Variants in SEMA6A observed in about 807,000 individuals in gnomAD.
SEMA6A encodes the protein semaphorin 6A.
In SEMA6A, 25 loss-of-function variants were observed where a neutral mutation model predicts 96.8. The ratio of observed to expected loss-of-function variants is 0.26; its 90% CI spans 0.19 to 0.36. The LOEUF is 0.36. Ranked by LOEUF, SEMA6A falls within the 10% of genes least tolerant of loss-of-function variation. SEMA6A has a pLI of 1.00. For missense variants in SEMA6A, 1,363 were observed against 1,323.1 expected (o/e 1.03, Z -0.47); for synonymous variants, 612 against 518.0 (o/e 1.18, Z -2.46).
intron 4 of SEMA6A, among the ~76,000 whole-genome samples, chr5:116,496,600 C>T (rs1051900991): frequency 1.3e-5 from 2 of 152,154 alleles, no homozygotes; most frequent in Non-Finnish European, 2.9e-5. Flanking sequence ...GGAAATTTTT[C>T]ATAAACTATC....
At chr5:116,531,712 T>C (rs1759486437) in intron 1 of SEMA6A, among the ~76,000 whole-genome samples, 1 of 152,146 alleles carries the variant, frequency 6.6e-6, no homozygotes, top group African/African-American at 2.4e-5. Context: ...TGCTTCTAGT[T>C]TCAGTAAACC....
chr5:116,506,999 G>T (rs1758171490), intron 1 of SEMA6A, among the ~76,000 whole-genome samples: 1 of 152,054 alleles, frequency 6.6e-6, no homozygotes, highest in South Asian at 2.1e-4. Flanking sequence ...TCCATCTTAA[G>T]ATTGCATGTG....
chr5:116,560,648 T>A (rs775230759), intron 1 of SEMA6A, among the ~76,000 whole-genome samples: 9 of 152,118 alleles, frequency 5.9e-5, no homozygotes, highest in Non-Finnish European at 1.3e-4. Flanking sequence ...GTCCCTCCAG[T>A]TCTACCCTGC....
intron 1 of SEMA6A, among the ~76,000 whole-genome samples, chr5:116,528,200 G>C (rs577617133): frequency 3.3e-5 from 5 of 152,132 alleles, no homozygotes; most frequent in African/African-American, 1.2e-4. Flanking sequence ...TATTAATATA[G>C]TACCCGATTT....
At position 116,446,849 on chromosome 5, in the gene SEMA6A, A is replaced by C; in HGVS notation, c.2857T>G (p.Phe953Val). 4.3e-6 allele frequency: 7 copies of C among 1,613,956 alleles called. No homozygotes were observed. Among genetic ancestry groups the C allele is most frequent in the Non-Finnish European group, 5.9e-6 (7 of 1,179,872 alleles). Reference protein sequence around the residue: ...NSSHLSRNQSFGRGDNPPPAP... With the variant: ...NSSHLSRNQSVGRGDNPPPAP... ...GGCGGCGGGTTGTCTCCCCTGCCAA[A>C]GCTCTGGTTTCTGGAGAGGTGAGAG... Residue 953 changes from phenylalanine to valine, a missense_variant, in exon 19 of 19, where the codon TTT becomes GTT. Coordinates refer to ENST00000343348, the MANE Select transcript of SEMA6A (RefSeq NM_020796.5).
intron 18 of SEMA6A, among the ~76,000 whole-genome samples, chr5:116,451,025 A>G (rs1484881330): frequency 6.6e-6 from 1 of 152,200 alleles, no homozygotes; most frequent in African/African-American, 2.4e-5. Context: ...AGTAGTGGTG[A>G]TAAAAGCAGC....
chr5:116,486,727 A>C lies in SEMA6A; in HGVS notation c.962+22T>G, dbSNP rs758349597. 7 of 1,600,524 alleles carry C rather than the reference A, an allele frequency of 4.4e-6. 2 individuals carry two copies. The South Asian group carries it at 7.7e-5, about 18-fold the overall frequency. On this transcript the variant is annotated intron_variant, in intron 10 of 18. Transcript: ENST00000343348. ...GAAGCCAGGAAGAATTGATGAGGTC[A>C]ACACAGCTAGGGCATGATTACCTGT... is the stretch of plus-strand genomic sequence containing the variant.
intron 1 of SEMA6A, 48 bp from the exon 2 acceptor site, chr5:116,505,030 A>G (rs779389213): frequency 4.3e-5 from 36 of 831,652 alleles, no homozygotes; most frequent in Non-Finnish European, 6.6e-5. Context: ...GCTTTGTTCA[A>G]TGCCATAAAA....
chr5:116,539,057 T>G (rs909273113), intron 1 of SEMA6A, among the ~76,000 whole-genome samples: 2 of 152,202 alleles, frequency 1.3e-5, no homozygotes, highest in Non-Finnish European at 2.9e-5. Context: ...TTTTCTCCAT[T>G]ATATAGAAGA....
rs945209862 is a variant in SEMA6A, at chr5:116,496,582, AAG to A, written c.280-271_280-270del. Among the ~76,000 whole-genome samples, 8 of 152,226 alleles carry A rather than the reference AAG, an allele frequency of 5.3e-5. 1 individual carries two copies. The highest frequency in any genetic ancestry group is 1.4e-4 in the African/African-American group (6 of 41,470). On this transcript the variant is annotated intron_variant, in intron 4 of 18. Transcript: ENST00000343348. ...AAGGAGAAAAGAAAGAAGAATAAAC[AAG>A]AGTGTGGAAATTTTTCATAAACTAT...
intron 1 of SEMA6A, among the ~76,000 whole-genome samples, chr5:116,547,706 T>A: frequency 8.9e-6 from 1 of 112,872 alleles, no homozygotes; most frequent in African/African-American, 3.6e-5. Context: ...TAAAATCCAA[T>A]GATGTAAACT....
chr5:116,463,312 T>C (rs150323280), intron 18 of SEMA6A, among the ~76,000 whole-genome samples: 187 of 152,342 alleles, frequency 1.2e-3, no homozygotes, highest in African/African-American at 4.4e-3. Context: ...AATCATGCCA[T>C]GTAAGGTGCT....
intron 6 of SEMA6A, 84 bp from the exon 7 acceptor site, chr5:116,491,914 A>AG: frequency 9.0e-7 from 1 of 1,112,106 alleles, no homozygotes; most frequent in East Asian, 2.4e-5. Flanking sequence ...AGGATGTGAC[A>AG]GGCCTTTTGT....
intron 17 of SEMA6A, chr5:116,472,242 G>C (rs1756189796): frequency 6.6e-6 from 1 of 152,154 alleles, no homozygotes; most frequent in East Asian, 1.9e-4. Context: ...TAGTAGCTTT[G>C]TTTAATATAG....
chr5:116,563,110 T>C (rs1338925466), intron 1 of SEMA6A, among the ~76,000 whole-genome samples: 3 of 152,186 alleles, frequency 2.0e-5, no homozygotes, highest in Non-Finnish European at 2.9e-5. Context: ...CCCTAGTTGC[T>C]ATGTTTAGTA....
At chr5:116,465,470 A>G (rs1044606339) in intron 18 of SEMA6A, among the ~76,000 whole-genome samples, 6 of 152,166 alleles carry the variant, frequency 3.9e-5, no homozygotes, top group Non-Finnish European at 7.4e-5. Context: ...CATACAACCA[A>G]TCACAGAAAA....
rs1760293424 is a variant in SEMA6A at position 116,548,922 on chromosome 5, A to G, written c.-39+25263T>C. Among the ~76,000 whole-genome samples the G allele has an allele frequency of 3.3e-5, 5 of 152,230 alleles. No individual in the cohort carries two copies. In the South Asian group the frequency reaches 8.3e-4, roughly 25 times the overall value. Reference sequence around the variant, plus strand: ...GCAATTTCTACTTCTAGAAAGAAGTATACAACAAGTAAAGCATGATCTTGT... The same window carrying G: ...GCAATTTCTACTTCTAGAAAGAAGTGTACAACAAGTAAAGCATGATCTTGT... On this transcript the variant is annotated intron_variant, in intron 1 of 18. Transcript: ENST00000343348.
intron 1 of SEMA6A, among the ~76,000 whole-genome samples, chr5:116,563,884 C>A (rs1760918799): frequency 6.6e-6 from 1 of 152,150 alleles, no homozygotes; most frequent in Admixed American, 6.5e-5. Context: ...TTTACAAATG[C>A]ACATTTTCTT....
At chr5:116,467,991 C>A (rs1175285293) in intron 17 of SEMA6A, 1 of 482,728 alleles carries the variant, frequency 2.1e-6, no homozygotes. Context: ...CTCATACTTG[C>A]TGGGTGGGCC....
Sources: gnomAD v4.1 joint callset for allele counts (sites outside exome capture counted in the v4.1 genomes callset) on GRCh38, gnomAD v4.1.1 for gene constraint, MANE v1.5 for transcripts, NCBI Gene and HGNC (gene_info 2026-07-23, HGNC 2026-07-21) for gene names.